Variants in THSD7B observed in about 807,000 individuals in gnomAD.
THSD7B encodes the protein thrombospondin type 1 domain containing 7B.
In THSD7B, 138 loss-of-function variants were observed where a neutral mutation model predicts 213.6. The ratio of observed to expected loss-of-function variants is 0.65; its 90% CI spans 0.56 to 0.74. The LOEUF (loss-of-function observed/expected upper bound fraction) is 0.74, where lower values mean the gene tolerates loss of function less well. THSD7B is among the 30% of genes least tolerant of loss of function. The pLI is 0.00. For synonymous variants in THSD7B, 742 were observed against 687.0 expected (o/e 1.08, Z -1.25); for missense variants, 1,931 against 1,991.5 (o/e 0.97, Z 0.58).
intron 24 of THSD7B, 128 bp downstream of exon 24, chr2:137,657,288 A>G (rs1683255414): frequency 7.6e-6 from 6 of 789,390 alleles, no homozygotes; most frequent in African/African-American, 1.7e-5. Context: ...GAATTTTATT[A>G]CAAATTTTCA....
At chr2:137,239,750 C>T (rs569715304) in intron 9 of THSD7B, among the ~76,000 whole-genome samples, 86 of 152,290 alleles carry the variant, frequency 5.6e-4, no homozygotes, top group Middle Eastern at 3.4e-3. Flanking sequence ...TTTCTTAGAA[C>T]CTTTGTCAAA....
chr2:136,791,158 A>C (rs1278184122), intron 1 of THSD7B, among the ~76,000 whole-genome samples: 1 of 151,972 alleles, frequency 6.6e-6, no homozygotes, highest in Non-Finnish European at 1.5e-5. Flanking sequence ...CTACAGAAAT[A>C]AATGAATAGG....
At chr2:137,148,320 A>G (rs907717790) in intron 5 of THSD7B, among the ~76,000 whole-genome samples, 1 of 152,120 alleles carries the variant, frequency 6.6e-6, no homozygotes, top group African/African-American at 2.4e-5. Context: ...TTTCCTATAT[A>G]AATTACCCAG....
At chr2:136,882,356 T>G (rs969176981) in intron 2 of THSD7B, 39 bp downstream of exon 2, 1 of 1,437,602 alleles carries the variant, frequency 7.0e-7, no homozygotes, top group African/African-American at 1.5e-5. Context: ...CTATTTTCAT[T>G]AACAGGAAGA....
At chr2:137,288,528 G>T (rs1293687382) in intron 12 of THSD7B, among the ~76,000 whole-genome samples, 2 of 151,984 alleles carry the variant, frequency 1.3e-5, no homozygotes, top group African/African-American at 4.8e-5. Context: ...ACAGAAGAAT[G>T]ACTTCAGGAA....
At chr2:137,256,906 T>TC (rs1270815549) in intron 10 of THSD7B, among the ~76,000 whole-genome samples, 27 of 152,176 alleles carry the variant, frequency 1.8e-4, no homozygotes, top group Non-Finnish European at 1.5e-5. Context: ...ATTTATTTCT[T>TC]ACAGTTCTGG....
chr2:137,410,773 A>G (rs1686636051), intron 13 of THSD7B, among the ~76,000 whole-genome samples: 1 of 152,218 alleles, frequency 6.6e-6, no homozygotes, highest in South Asian at 2.1e-4. Flanking sequence ...ATAACCAGCC[A>G]TGACTCTAGC....
Position 137,080,245 on chromosome 2 carries a change from G to T in THSD7B, c.951-14628G>T, listed in dbSNP as rs117906563. Among the ~76,000 whole-genome samples the T allele has an allele frequency of 1.6e-3, 246 of 151,880 alleles. 3 individuals are homozygous for T. The East Asian group carries it at 0.02, about 12-fold the overall frequency. On this transcript the variant is annotated intron_variant, in intron 3 of 27. Transcript: ENST00000409968. ...AGACAGAGTCTCACTTCATCACCCA[G>T]GCTGGGGTGCAGTGGTACAATCTTA...
rs549818182 is a variant in THSD7B at position 136,899,293 on chromosome 2, CAT to C, written c.139+16979_139+16980del. ...GGGTTAAATATCATTTTTTCATTTT[CAT>C]ATTTATTTGTATCGTGTATTATTAC... is the stretch of plus-strand genomic sequence containing the variant. On this transcript the variant is annotated intron_variant, in intron 2 of 27. Coordinates refer to ENST00000409968, the MANE Select transcript of THSD7B (RefSeq NM_001316349.2). 2.6e-4 allele frequency among the ~76,000 whole-genome samples: 39 copies of C among 152,204 alleles called. No homozygotes were observed. In the South Asian group the frequency reaches 2.7e-3, roughly 11 times the overall value.
intron 17 of THSD7B, among the ~76,000 whole-genome samples, chr2:137,584,322 C>T (rs1360700076): frequency 6.6e-6 from 1 of 152,140 alleles, no homozygotes; most frequent in African/African-American, 2.4e-5. Flanking sequence ...TAATTGAATA[C>T]CAGTTATTTC....
chr2:137,176,037 G>GT (rs1680351740), intron 7 of THSD7B, among the ~76,000 whole-genome samples: 1 of 152,026 alleles, frequency 6.6e-6, no homozygotes, highest in African/African-American at 2.4e-5. Context: ...CTTCTGCTCT[G>GT]TAAGTTTTTG....
At chr2:137,240,966 T>A (rs377661379) in intron 9 of THSD7B, among the ~76,000 whole-genome samples, 10 of 152,306 alleles carry the variant, frequency 6.6e-5, no homozygotes, top group African/African-American at 2.4e-4. Context: ...TCCATTTTTC[T>A]CTATTCTCTC....
chr2:137,674,241 T>C (rs1223952744), intron 27 of THSD7B, among the ~76,000 whole-genome samples: 8 of 152,130 alleles, frequency 5.3e-5, no homozygotes, highest in African/African-American at 1.9e-4. Context: ...AAAGGTAGAC[T>C]GCCAAAATCT....
intron 12 of THSD7B, among the ~76,000 whole-genome samples, chr2:137,334,170 T>TTCTCTCTCTCTC (rs139280559): frequency 4.7e-5 from 7 of 148,822 alleles, no homozygotes; most frequent in African/African-American, 1.8e-4. Context: ...CTTTCTCTCT[T>TTCTCTCTCTCTC]TCTCTCTCTC....
intron 3 of THSD7B, among the ~76,000 whole-genome samples, chr2:137,067,883 C>T (rs903331631): frequency 3.3e-5 from 5 of 152,036 alleles, no homozygotes; most frequent in African/African-American, 1.2e-4. Flanking sequence ...ACTGTGAGAA[C>T]CTGGCAGGGC....
At chr2:136,846,113 A>G (rs1371117066) in intron 1 of THSD7B, among the ~76,000 whole-genome samples, 1 of 152,122 alleles carries the variant, frequency 6.6e-6, no homozygotes, top group East Asian at 1.9e-4. Flanking sequence ...GCTTAACCCC[A>G]GGGGTTGAAT....
At chr2:136,822,973 T>C (rs1682590018) in intron 1 of THSD7B, among the ~76,000 whole-genome samples, 1 of 152,254 alleles carries the variant, frequency 6.6e-6, no homozygotes. Context: ...GGAGCTTTCC[T>C]TGAAGAAGTT....
chr2:137,273,918 T>C (rs970245217), intron 11 of THSD7B, among the ~76,000 whole-genome samples: 7 of 152,108 alleles, frequency 4.6e-5, no homozygotes, highest in African/African-American at 1.7e-4. Flanking sequence ...CAAATATTAT[T>C]AGACATTTTT....
intron 1 of THSD7B, among the ~76,000 whole-genome samples, chr2:136,815,005 A>G (rs1439774565): frequency 6.6e-6 from 1 of 152,196 alleles, no homozygotes; most frequent in Non-Finnish European, 1.5e-5. Context: ...AGCCATGCTC[A>G]TTAATTTATC....
Sources: allele counts gnomAD v4.1 joint callset (sites outside exome capture counted in the v4.1 genomes callset), GRCh38; gene constraint gnomAD v4.1.1; transcripts MANE v1.5; gene names NCBI Gene and HGNC (gene_info 2026-07-23, HGNC 2026-07-21).